DOCK7: variants seen among roughly 807,000 people sequenced by gnomAD.
DOCK7 encodes dedicator of cytokinesis protein 7.
DOCK7 carries 138 observed loss-of-function variants against 271.0 expected under a neutral mutation model. The observed-to-expected ratio is 0.51, with a 90% CI of 0.44 to 0.59. DOCK7 has a LOEUF of 0.59. Ranked by LOEUF, DOCK7 falls within the 20% of genes least tolerant of loss-of-function variation. The pLI, the probability that DOCK7 is intolerant of heterozygous loss-of-function variation, is 0.00. For missense variants in DOCK7, 2,066 were observed against 2,592.4 expected (o/e 0.80, Z 4.41); for synonymous variants, 823 against 876.1 (o/e 0.94, Z 1.07).
chr1:62,554,210 C>T (rs1646057857), intron 21 of DOCK7, among the ~76,000 whole-genome samples: 1 of 152,122 alleles, frequency 6.6e-6, no homozygotes, highest in Admixed American at 6.5e-5. Context: ...TGGTGGCTCA[C>T]GCCTATAATC....
At chr1:62,548,049 ATATCTACT>A (rs766040600) in intron 22 of DOCK7, among the ~76,000 whole-genome samples, 4 of 152,166 alleles carry the variant, frequency 2.6e-5, no homozygotes, top group Non-Finnish European at 5.9e-5. Flanking sequence ...CATTGGATAA[ATATCTACT>A]GAGCACCTTG....
At chr1:62,637,311 C>G (rs1489034983) in intron 7 of DOCK7, among the ~76,000 whole-genome samples, 1 of 152,072 alleles carries the variant, frequency 6.6e-6, no homozygotes, top group Non-Finnish European at 1.5e-5. Context: ...AGAACAATGA[C>G]TTACATACAG....
At chr1:62,473,506 A>G (rs1429265648) in intron 48 of DOCK7, among the ~76,000 whole-genome samples, 1 of 152,168 alleles carries the variant, frequency 6.6e-6, no homozygotes, top group Non-Finnish European at 1.5e-5. Flanking sequence ...GGAGAGGGGA[A>G]TAAGTATATG....
rs569848063 is a variant in DOCK7 at position 62,456,309 on chromosome 1, TTTAAAC to T, written c.6381-859_6381-854del. ...AAAAATTCAAATGCTAAAGAAGAATTTTAAACTTAAATTCTAAAAAAGAGTGAAGGG... is the reference window on the plus strand; with the variant it reads ...AAAAATTCAAATGCTAAAGAAGAATTTTAAATTCTAAAAAAGAGTGAAGGG... On this transcript the variant is annotated intron_variant, in intron 49 of 49. Coordinates refer to ENST00000635253, the MANE Select transcript of DOCK7 (RefSeq NM_001367561.1). Among the ~76,000 whole-genome samples, 491 of 152,270 alleles carry T rather than the reference TTTAAAC, an allele frequency of 3.2e-3. 5 individuals are homozygous for T. Among genetic ancestry groups the T allele is most frequent in the Non-Finnish European group, 3.7e-3 (251 of 68,006 alleles).
chr1:62,538,222 A>C (rs1011877462), intron 27 of DOCK7, among the ~76,000 whole-genome samples, 161 bp from the exon 28 acceptor site: 1 of 152,198 alleles, frequency 6.6e-6, no homozygotes, highest in Admixed American at 6.5e-5. Context: ...GTTACTGCTA[A>C]AATTAAAAAT....
chr1:62,522,349 A>G (rs1023252192), intron 31 of DOCK7, among the ~76,000 whole-genome samples: 6 of 152,196 alleles, frequency 3.9e-5, no homozygotes, highest in Non-Finnish European at 8.8e-5. Context: ...ACTATGAAGA[A>G]GTTGAGTTTA....
intron 7 of DOCK7, among the ~76,000 whole-genome samples, chr1:62,638,873 T>C (rs1655627233): frequency 1.3e-5 from 2 of 151,894 alleles, no homozygotes; most frequent in Admixed American, 1.3e-4. Context: ...CCACTGTTAT[T>C]ACAAATCAAA....
chr1:62,620,455 T>C (rs1156631731), intron 12 of DOCK7, among the ~76,000 whole-genome samples: 1 of 152,074 alleles, frequency 6.6e-6, no homozygotes, highest in African/African-American at 2.4e-5. Flanking sequence ...ATAAATATCA[T>C]ACCAGTTTAT....
At chr1:62,601,856 T>C in intron 14 of DOCK7, 1 of 1,609,420 alleles carries the variant, frequency 6.2e-7, no homozygotes, top group Non-Finnish European at 8.5e-7. Flanking sequence ...TCTCAAGTTT[T>C]TCATGTCTAC....
At chr1:62,668,746 T>C (rs1479739688) in intron 1 of DOCK7, among the ~76,000 whole-genome samples, 1 of 151,726 alleles carries the variant, frequency 6.6e-6, no homozygotes, top group African/African-American at 2.4e-5. Context: ...TACAAAAAAT[T>C]AGCCAGGAGT....
intron 2 of DOCK7, 99 bp downstream of exon 2, chr1:62,662,926 T>C (rs1486919561): frequency 1.1e-6 from 1 of 887,748 alleles, no homozygotes; most frequent in African/African-American, 1.7e-5. Context: ...GTTATGAGAC[T>C]AATGACGGAA....
intron 18 of DOCK7, among the ~76,000 whole-genome samples, chr1:62,568,058 C>T (rs957740369): frequency 6.6e-6 from 1 of 152,088 alleles, no homozygotes; most frequent in Non-Finnish European, 1.5e-5. Context: ...CAAACAGTCT[C>T]TCAGACCACA....
chr1:62,529,243 T>G (rs762049363), intron 30 of DOCK7, 34 bp downstream of exon 30: 12 of 1,526,064 alleles, frequency 7.9e-6, no homozygotes, highest in Non-Finnish European at 9.7e-6. Context: ...CATTGAGCTT[T>G]GCCTTTAATA....
chr1:62,464,566 C>T (rs912179527), intron 48 of DOCK7, among the ~76,000 whole-genome samples: 12 of 151,794 alleles, frequency 7.9e-5, no homozygotes, highest in African/African-American at 1.7e-4. Context: ...CCTGCAATCC[C>T]GGCTACTTGG....
intron 14 of DOCK7, chr1:62,605,015 C>T (rs1650767571): frequency 3.6e-6 from 2 of 555,942 alleles, no homozygotes; most frequent in East Asian, 3.1e-5. Flanking sequence ...AATCAAAATT[C>T]TTATAATACT....
At chr1:62,556,871 C>G (rs1341222933) in intron 20 of DOCK7, among the ~76,000 whole-genome samples, 1 of 152,010 alleles carries the variant, frequency 6.6e-6, no homozygotes, top group East Asian at 1.9e-4. Context: ...GAGACAGAAA[C>G]CTGAGCGAAG....
intron 14 of DOCK7, chr1:62,601,868 G>A (rs1386931684): frequency 1.9e-6 from 3 of 1,606,334 alleles, no homozygotes; most frequent in South Asian, 1.1e-5. Flanking sequence ...CATGTCTACT[G>A]TGATGTTATA....
intron 7 of DOCK7, among the ~76,000 whole-genome samples, chr1:62,643,779 C>T (rs1050594791): frequency 6.6e-6 from 1 of 151,996 alleles, no homozygotes; most frequent in African/African-American, 2.4e-5. Flanking sequence ...ACTTTATTTT[C>T]CATCTATTTA....
intron 16 of DOCK7, among the ~76,000 whole-genome samples, chr1:62,582,125 T>C (rs982357068): frequency 2.1e-4 from 32 of 152,048 alleles, no homozygotes; most frequent in Admixed American, 1.7e-3. Flanking sequence ...AGTAGAGAAG[T>C]TGATGGACCA....
Sources: gnomAD v4.1 joint callset for allele counts (sites outside exome capture counted in the v4.1 genomes callset) on GRCh38, gnomAD v4.1.1 for gene constraint, MANE v1.5 for transcripts, NCBI Gene and HGNC (gene_info 2026-07-23, HGNC 2026-07-21) for gene names.